SEMA4F: variants seen among roughly 807,000 people sequenced by gnomAD.
The protein encoded by SEMA4F is ssemaphorin 4F.
A neutral mutation model predicts 78.4 loss-of-function variants in SEMA4F; 51 were observed. That is an observed-to-expected ratio of 0.65 (90% CI 0.52 to 0.82). SEMA4F has a LOEUF of 0.82. SEMA4F is among the 40% of genes least tolerant of loss of function. The pLI, the probability that SEMA4F is intolerant of heterozygous loss-of-function variation, is 0.00. For missense variants in SEMA4F, 938 were observed against 1,014.4 expected (o/e 0.92, Z 1.02); for synonymous variants, 418 against 408.7 (o/e 1.02, Z -0.27).
Position 74,675,597 on chromosome 2 carries a change from C to G in SEMA4F, c.1445C>G (p.Pro482Arg). The change falls in exon 11 of 14, where the codon CCA becomes CGA. Residue 482 changes from proline to arginine, a missense_variant. Pro to Arg is a moderately radical substitution (Grantham distance 103). Coordinates refer to ENST00000357877, the MANE Select transcript of SEMA4F (RefSeq NM_004263.5). ...LSVLEDLALF[P>R]EPQPVENMKL... ...GTTCTTGAAGATCTGGCCTTATTCC[C>G]AGAGCCACAGCCAGTTGAGAACATG... is the stretch of plus-strand genomic sequence containing the variant. The G allele has an allele frequency of 6.2e-7, 1 of 1,614,168 alleles. No individual in the cohort carries two copies. The highest frequency in any genetic ancestry group is 1.7e-5 in the Admixed American group (1 of 60,026).
downstream of SEMA4F, among the ~76,000 whole-genome samples, chr2:74,687,918 G>T (rs1237935588): frequency 1.3e-5 from 2 of 152,022 alleles, no homozygotes; most frequent in African/African-American, 4.8e-5. Flanking sequence ...TCCCTGGAAG[G>T]CACAACACCA....
chr2:74,656,456 T>G (rs963515070), intron 1 of SEMA4F, 78 bp from the exon 2 acceptor site: 1 of 1,457,330 alleles, frequency 6.9e-7, no homozygotes, highest in Non-Finnish European at 9.4e-7. Flanking sequence ...AAACAAAAAT[T>G]GGCCCCTTTG....
At chr2:74,665,671 T>C (rs1684655658) in intron 5 of SEMA4F, among the ~76,000 whole-genome samples, 1 of 152,200 alleles carries the variant, frequency 6.6e-6, no homozygotes, top group Non-Finnish European at 1.5e-5. Context: ...ATTGTTGAAA[T>C]TGATGAGACC....
Position 74,675,376 on chromosome 2 carries a change from T to G in SEMA4F, c.1364T>G (p.Leu455Arg). 6.2e-7 allele frequency: 1 copy of G among 1,613,190 alleles called. No individual in the cohort carries two copies. Among genetic ancestry groups the G allele is most frequent in the Non-Finnish European group, 8.5e-7 (1 of 1,179,462 alleles). The change falls in exon 10 of 14, where the codon CTG becomes CGG. Residue 455 changes from leucine (L) to arginine (R), a missense_variant. By Grantham distance (102) the Leu-to-Arg change is moderately radical. Coordinates refer to ENST00000357877, the MANE Select transcript of SEMA4F (RefSeq NM_004263.5). The stretch of plus-strand genomic sequence containing the variant: ...GGGAAAGAGTATGATGTGCTCTACC[T>G]GGGGACAGGTATATTTAATGGTCAA... The part of the protein sequence containing the change: ...LSGKEYDVLY[L>R]GTEDGHLHRA...
chr2:74,658,101 T>A lies in SEMA4F; in HGVS notation c.456+150T>A. On this transcript the variant is annotated intron_variant, in intron 4 of 13. Coordinates refer to ENST00000357877, the MANE Select transcript of SEMA4F (RefSeq NM_004263.5). This position sits in a 1 kb window ranked among gnomAD's most constrained non-coding sequence, Gnocchi z 4.3. Reference sequence around the variant, plus strand: ...CATTGTGCATGATAAGCATTGGGTGTAGGGGCTGTCCTCATGGGATGAGGG... The same window carrying A: ...CATTGTGCATGATAAGCATTGGGTGAAGGGGCTGTCCTCATGGGATGAGGG... 2 of 712,824 alleles carry A rather than the reference T, an allele frequency of 2.8e-6. No individual in the cohort carries two copies. The highest frequency in any genetic ancestry group is 2.5e-6 in the Non-Finnish European group (1 of 405,406). The allele number at this position is 712,824 out of a possible 1,614,324, so 44.2% of individuals were successfully genotyped here.
rs1279423627 is a variant in SEMA4F at position 74,675,640 on chromosome 2, T to C, written c.1482+6T>C. The C allele has an allele frequency of 6.2e-7, 1 of 1,613,414 alleles. No homozygotes were observed. The highest frequency in any genetic ancestry group is 8.5e-7 in the Non-Finnish European group (1 of 1,179,454). On this transcript the variant is annotated splice_donor_region_variant and intron_variant, in intron 11 of 13. Coordinates refer to ENST00000357877, the MANE Select transcript of SEMA4F (RefSeq NM_004263.5). ...AGAACATGAAATTGTACCACGTGAG[T>C]TGTAGATTTTGGAGAGTCTATTGGG...
chr2:74,660,716 C>T (rs772072823), intron 4 of SEMA4F, among the ~76,000 whole-genome samples: 3 of 152,176 alleles, frequency 2.0e-5, no homozygotes, highest in Non-Finnish European at 4.4e-5. Context: ...AGGAGGCTCA[C>T]CTCTTCAAAG....
intron 5 of SEMA4F, among the ~76,000 whole-genome samples, chr2:74,665,065 T>G (rs945322142): frequency 6.6e-6 from 1 of 152,124 alleles, no homozygotes; most frequent in Non-Finnish European, 1.5e-5. Flanking sequence ...TGACTTTTTT[T>G]GCCAACTTTA....
Position 74,675,375 on chromosome 2 carries a change from C to T in SEMA4F, c.1363C>T (p.Leu455=). ...AGGGAAAGAGTATGATGTGCTCTAC[C>T]TGGGGACAGGTATATTTAATGGTCA... ...LSGKEYDVLY[L]GTEDGHLHRA... The change falls in exon 10 of 14, where the codon CTG becomes TTG. Residue 455 remains leucine, a synonymous_variant. Coordinates refer to ENST00000357877, the MANE Select transcript of SEMA4F (RefSeq NM_004263.5). 1 of 1,613,318 alleles carries T rather than the reference C, an allele frequency of 6.2e-7. No individual in the cohort carries two copies. The highest frequency in any genetic ancestry group is 8.5e-7 in the Non-Finnish European group (1 of 1,179,586).
intron 5 of SEMA4F, among the ~76,000 whole-genome samples, chr2:74,664,228 C>T (rs1684572683): frequency 6.6e-6 from 1 of 152,176 alleles, no homozygotes; most frequent in African/African-American, 2.4e-5. Context: ...TTTTAAATGT[C>T]ATGCTACATG....
At position 74,680,508 on chromosome 2, in the gene SEMA4F, G is replaced by A. The variant is rs1243757734; in HGVS notation, c.*299G>A. ...CTGGCCCCCTATCTTGGGCCCATTA[G>A]TTTTGGGGATGGGGCACAGGGCATA... On this transcript the variant is annotated 3_prime_UTR_variant, in exon 14 of 14. Transcript: ENST00000357877. 7.0e-6 allele frequency: 2 copies of A among 286,394 alleles called. No individual in the cohort carries two copies. Among genetic ancestry groups the A allele is most frequent in the Non-Finnish European group, 1.3e-5 (2 of 153,888 alleles). The allele number at this position is 286,394 out of a possible 1,614,324, so 17.7% of individuals were successfully genotyped here.
At chr2:74,709,251 G>A in the SEMA4F span, among the ~76,000 whole-genome samples, 1 of 152,168 alleles carries the variant, frequency 6.6e-6, no homozygotes, top group Admixed American at 6.5e-5. Flanking sequence ...TGCACAGAGA[G>A]GGAAAATAAT....
At chr2:74,707,840 G>A in the SEMA4F span, among the ~76,000 whole-genome samples, 1 of 152,140 alleles carries the variant, frequency 6.6e-6, no homozygotes, top group Non-Finnish European at 1.5e-5. Flanking sequence ...GAGTTTGCAG[G>A]ATAGATGATG....
At chr2:74,704,522 G>T in the SEMA4F span, among the ~76,000 whole-genome samples, 5 of 151,672 alleles carry the variant, frequency 3.3e-5, no homozygotes, top group Non-Finnish European at 7.4e-5. Context: ...TGAGGTTATT[G>T]TAAGGATCAA....
chr2:74,674,723 G>C, intron 8 of SEMA4F, 47 bp downstream of exon 8: 1 of 1,598,396 alleles, frequency 6.3e-7, no homozygotes, highest in Non-Finnish European at 8.5e-7. Flanking sequence ...GGAGATATGT[G>C]GGGTTGGCAC....
At position 74,679,259 on chromosome 2, in the gene SEMA4F, C is replaced by T. The variant is rs961491212; in HGVS notation, c.1644-17C>T. On this transcript the variant is annotated splice_polypyrimidine_tract_variant and intron_variant, in intron 12 of 13. Transcript: ENST00000357877. Reference sequence around the variant, plus strand: ...GAATGTTCACACTGGATTTACCAAGCATTCTCTTCTTTATAGGTTGGTCCA... The same window carrying T: ...GAATGTTCACACTGGATTTACCAAGTATTCTCTTCTTTATAGGTTGGTCCA... 2 of 1,601,462 alleles carry T rather than the reference C, an allele frequency of 1.2e-6. No individual in the cohort carries two copies. The highest frequency in any genetic ancestry group is 1.3e-5 in the African/African-American group (1 of 74,670).
intron 5 of SEMA4F, among the ~76,000 whole-genome samples, chr2:74,663,116 T>G (rs899321711): frequency 1.3e-5 from 2 of 152,184 alleles, no homozygotes; most frequent in Non-Finnish European, 2.9e-5. Flanking sequence ...TGTTAATAAG[T>G]GGAATATACT....
chr2:74,695,231 C>T, the SEMA4F span, among the ~76,000 whole-genome samples: 8 of 152,178 alleles, frequency 5.3e-5, no homozygotes, highest in South Asian at 2.1e-4. Context: ...AGTTGCCTCC[C>T]GTGTAGCTGG....
intron 5 of SEMA4F, among the ~76,000 whole-genome samples, chr2:74,673,198 G>A (rs1390916501): frequency 6.6e-6 from 1 of 152,072 alleles, no homozygotes; most frequent in Non-Finnish European, 1.5e-5. Flanking sequence ...TTTTTATGAG[G>A]GATGCCTTTA....
Sources: gnomAD v4.1 joint callset for allele counts (sites outside exome capture counted in the v4.1 genomes callset) on GRCh38, gnomAD v4.1.1 for gene constraint, Gnocchi (gnomAD v3.1) non-coding constraint, MANE v1.5 for transcripts, NCBI Gene and HGNC (gene_info 2026-07-23, HGNC 2026-07-21) for gene names.